TMEM50A: variants seen among roughly 807,000 people sequenced by gnomAD.
TMEM50A encodes the protein cervical cancer oncogene 9.
Under a neutral mutation model 23.9 loss-of-function variants are expected in TMEM50A, and 8 were observed. The observed-to-expected ratio is 0.33, with a 90% CI of 0.20 to 0.60. TMEM50A has a LOEUF of 0.60. Among genes scored for constraint, TMEM50A ranks in the 20% least tolerant of loss-of-function variants. The pLI, the probability that TMEM50A is intolerant of heterozygous loss-of-function variation, is 0.81. For synonymous variants in TMEM50A, 55 were observed against 60.4 expected (o/e 0.91, Z 0.41); for missense variants, 178 against 192.7 (o/e 0.92, Z 0.45).
chr1:25,352,214 G>A (rs1032655917), intron 4 of TMEM50A, among the ~76,000 whole-genome samples: 1 of 152,056 alleles, frequency 6.6e-6, no homozygotes, highest in Non-Finnish European at 1.5e-5. Flanking sequence ...ATCTGGGAGC[G>A]GCCGGGCACA....
At chr1:25,348,529 C>CA (rs1343187884) in intron 3 of TMEM50A, among the ~76,000 whole-genome samples, 2 of 151,904 alleles carry the variant, frequency 1.3e-5, no homozygotes, top group Non-Finnish European at 2.9e-5. Context: ...TACTAAAATA[C>CA]AAAAAATTAG....
Position 25,361,251 on chromosome 1 carries a change from C to T in TMEM50A, c.*546C>T, listed in dbSNP as rs3093642. ...GAGGGTCTCCCAAGGGGTGAGTGGACGTGTTGGAAGAGAGAAGCACCATGG... is the reference window on the plus strand; with the variant it reads ...GAGGGTCTCCCAAGGGGTGAGTGGATGTGTTGGAAGAGAGAAGCACCATGG... On this transcript the variant is annotated 3_prime_UTR_variant, in exon 7 of 7. Transcript: ENST00000374358. The T allele has an allele frequency of 0.026, 4,020 of 153,512 alleles. 68 individuals are homozygous for T. Among genetic ancestry groups the T allele is most frequent in the Non-Finnish European group, 0.039 (2,672 of 68,922 alleles). 9.5% of individuals were successfully genotyped at this position (153,512 alleles called of 1,614,324 possible). A position where few individuals can be genotyped will look rare whatever the true frequency, so the allele number is the denominator to read the frequency against.
chr1:25,351,593 C>T lies in TMEM50A; in HGVS notation c.207-33C>T, dbSNP rs769097400. The T allele has an allele frequency of 1.9e-6, 3 of 1,571,050 alleles. No individual in the cohort carries two copies. The South Asian group carries it at 3.5e-5, about 18-fold the overall frequency. On this transcript the variant is annotated intron_variant, in intron 3 of 6. Transcript: ENST00000374358. ...TGTTTCTGGTAATTGGTGTCATGGA[C>T]CCTGATTTCTTGGTTTTATTTTATT...
intron 2 of TMEM50A, 85 bp from the exon 3 acceptor site, chr1:25,342,876 G>T: frequency 1.9e-6 from 2 of 1,047,316 alleles, no homozygotes; most frequent in Non-Finnish European, 1.4e-6. Context: ...TGTATTAAAA[G>T]GGATCTCCTC....
In TMEM50A at chr1:25,360,307, C is replaced by T. The variant is rs368710213; in HGVS notation, c.429-353C>T. Among the ~76,000 whole-genome samples the T allele has an allele frequency of 2.0e-5, 3 of 151,178 alleles. No individual in the cohort carries two copies. The East Asian group carries it at 5.8e-4, about 29-fold the overall frequency. On this transcript the variant is annotated intron_variant, in intron 6 of 6. Coordinates refer to ENST00000374358, the MANE Select transcript of TMEM50A (RefSeq NM_014313.4). The stretch of plus-strand genomic sequence containing the variant: ...GAGCTTGCAGTGAGCCGAGATCACG[C>T]CACTGCACTCCAGCCTGGGCGACAG...
intron 4 of TMEM50A, 81 bp downstream of exon 4, chr1:25,351,774 A>G (rs1645277856): frequency 1.6e-6 from 2 of 1,216,676 alleles, no homozygotes; most frequent in Non-Finnish European, 1.2e-6. Context: ...CCACTTTTCT[A>G]TTTGTTTTAA....
chr1:25,351,525 A>T, intron 3 of TMEM50A, 101 bp from the exon 4 acceptor site: 3 of 828,328 alleles, frequency 3.6e-6, no homozygotes, highest in Non-Finnish European at 5.3e-6. Context: ...AAAAAAAAAA[A>T]GACTTTCAGG....
intron 4 of TMEM50A, among the ~76,000 whole-genome samples, chr1:25,352,186 T>TG (rs1477500919): frequency 6.6e-6 from 1 of 152,072 alleles, no homozygotes; most frequent in Non-Finnish European, 1.5e-5. Context: ...TGTTACTGTT[T>TG]GAAAGTACTC....
chr1:25,346,322 C>T (rs1297449096), intron 3 of TMEM50A, among the ~76,000 whole-genome samples: 1 of 151,810 alleles, frequency 6.6e-6, no homozygotes, highest in African/African-American at 2.4e-5. Context: ...GAGGGAGGCA[C>T]ATCTCAAACA....
At position 25,345,827 on chromosome 1, in the gene TMEM50A, G is replaced by A. The variant is rs770609437; in HGVS notation, c.206+2754G>A. Among the ~76,000 whole-genome samples the A allele has an allele frequency of 1.1e-4, 17 of 150,084 alleles. No individual in the cohort carries two copies. In the East Asian group the frequency reaches 1.4e-3, roughly 12 times the overall value. On this transcript the variant is annotated intron_variant, in intron 3 of 6. Coordinates refer to ENST00000374358, the MANE Select transcript of TMEM50A (RefSeq NM_014313.4). ...TTTTGAGATGGAGTTTTGCTCTGTC[G>A]CCCAGGCTGGAGTGCAATGGCATGA...
At chr1:25,356,432 A>G (rs1013485412) in intron 5 of TMEM50A, among the ~76,000 whole-genome samples, 6 of 152,136 alleles carry the variant, frequency 3.9e-5, no homozygotes, top group Admixed American at 1.3e-4. Flanking sequence ...TCTGTGTCCA[A>G]TGTCACACTA....
At chr1:25,348,522 T>TA (rs1645242737) in intron 3 of TMEM50A, among the ~76,000 whole-genome samples, 1 of 151,958 alleles carries the variant, frequency 6.6e-6, no homozygotes, top group Admixed American at 6.6e-5. Flanking sequence ...CCGTCTCTAC[T>TA]AAAATACAAA....
chr1:25,350,469 C>T (rs1028959851), intron 3 of TMEM50A, among the ~76,000 whole-genome samples: 1 of 152,172 alleles, frequency 6.6e-6, no homozygotes, highest in African/African-American at 2.4e-5. Flanking sequence ...GAGCTCACCA[C>T]AACCTGTTTC....
chr1:25,351,119 C>T (rs1046405021), intron 3 of TMEM50A, among the ~76,000 whole-genome samples: 2 of 147,780 alleles, frequency 1.4e-5, no homozygotes, highest in Middle Eastern at 3.6e-3. Flanking sequence ...GAGCCGAGAT[C>T]GTGCCACTAC....
At chr1:25,340,160 T>C (rs1023945544) in intron 1 of TMEM50A, among the ~76,000 whole-genome samples, 2 of 152,100 alleles carry the variant, frequency 1.3e-5, no homozygotes, top group East Asian at 3.9e-4. Context: ...GGTCTCAAAC[T>C]CCTGACCTCA....
chr1:25,339,473 A>T (rs1645144112), intron 1 of TMEM50A, among the ~76,000 whole-genome samples: 1 of 152,250 alleles, frequency 6.6e-6, no homozygotes, highest in Non-Finnish European at 1.5e-5. Flanking sequence ...TGACACCAAA[A>T]GGCAGGCTTG....
intron 3 of TMEM50A, among the ~76,000 whole-genome samples, chr1:25,350,117 A>G (rs1010474900): frequency 6.6e-6 from 1 of 152,246 alleles, no homozygotes; most frequent in East Asian, 1.9e-4. Flanking sequence ...TCTATTCGAT[A>G]ATATCTTCAG....
intron 6 of TMEM50A, among the ~76,000 whole-genome samples, chr1:25,359,962 C>T (rs1341161265): frequency 1.3e-5 from 2 of 152,120 alleles, no homozygotes; most frequent in Non-Finnish European, 2.9e-5. Flanking sequence ...TACCACATCA[C>T]GTTAGCAAGA....
intron 6 of TMEM50A, among the ~76,000 whole-genome samples, chr1:25,360,362 A>T (rs1371281928): frequency 6.6e-6 from 1 of 152,098 alleles, no homozygotes; most frequent in Non-Finnish European, 1.5e-5. Context: ...AAAAAAAAAA[A>T]AAATCAGACA....
Sources: gnomAD v4.1 joint callset for allele counts (sites outside exome capture counted in the v4.1 genomes callset) on GRCh38, gnomAD v4.1.1 for gene constraint, MANE v1.5 for transcripts, NCBI Gene and HGNC (gene_info 2026-07-23, HGNC 2026-07-21) for gene names.